TMEM132D: variants seen among roughly 807,000 people sequenced by gnomAD.
TMEM132D encodes the protein mature OL transmembrane protein.
TMEM132D carries 21 observed loss-of-function variants against 62.3 expected under a neutral mutation model. That is an observed-to-expected ratio of 0.34 (90% CI 0.24 to 0.49). The LOEUF is 0.49. TMEM132D is among the 20% of genes least tolerant of loss of function. TMEM132D has a pLI of 0.99. For synonymous variants in TMEM132D, 621 were observed against 575.6 expected, an observed-to-expected ratio of 1.08 and a Z score of -1.13; for missense variants, 1,346 against 1,402.8, an observed-to-expected ratio of 0.96 and a Z score of 0.65.
At chr12:129,385,700 ACTTTAT>A (rs1593359754) in intron 3 of TMEM132D, among the ~76,000 whole-genome samples, 3 of 152,340 alleles carry the variant, frequency 2.0e-5, no homozygotes, top group Admixed American at 1.3e-4. Context: ...ATGTCTCTCC[ACTTTAT>A]CTTTAGGTTT....
intron 3 of TMEM132D, among the ~76,000 whole-genome samples, chr12:129,339,381 G>T (rs923179702): frequency 7.4e-4 from 10 of 13,556 alleles, no homozygotes; most frequent in Non-Finnish European, 1.4e-3. Flanking sequence ...ACTGCCAAAA[G>T]AAAGAACCCC....
chr12:129,092,548 T>C (rs938629121), intron 5 of TMEM132D, among the ~76,000 whole-genome samples: 3 of 152,024 alleles, frequency 2.0e-5, no homozygotes, highest in African/African-American at 7.2e-5. Flanking sequence ...ACAAAAAAAT[T>C]AGCCAGGCTT....
At chr12:129,430,315 G>A (rs60557312) in intron 3 of TMEM132D, among the ~76,000 whole-genome samples, 4,426 of 152,072 alleles carry the variant, frequency 0.029, 225 homozygotes, top group African/African-American at 0.1. Flanking sequence ...GTTTTGATTT[G>A]CATTTCTCTG....
intron 5 of TMEM132D, among the ~76,000 whole-genome samples, chr12:129,117,242 ACTGATAGCTGGTTG>A (rs1481630687): frequency 1.3e-5 from 2 of 151,672 alleles, no homozygotes; most frequent in African/African-American, 4.8e-5. Flanking sequence ...GAAACATTAA[ACTGATAGCTGGTTG>A]CTAGGGGTTC....
At chr12:129,725,211 C>T (rs1015420163) in intron 1 of TMEM132D, among the ~76,000 whole-genome samples, 4 of 152,136 alleles carry the variant, frequency 2.6e-5, no homozygotes, top group African/African-American at 9.7e-5. Context: ...GCACAAGTAT[C>T]GTTTAATAAG....
At chr12:129,123,236 T>A (rs536548505) in intron 5 of TMEM132D, among the ~76,000 whole-genome samples, 27 of 152,342 alleles carry the variant, frequency 1.8e-4, no homozygotes, top group Non-Finnish European at 3.5e-4. Flanking sequence ...CATAGGTGGT[T>A]CAAGCTGTTA....
At chr12:129,892,442 T>C (rs2137394951) in intron 1 of TMEM132D, among the ~76,000 whole-genome samples, 1 of 152,328 alleles carries the variant, frequency 6.6e-6, no homozygotes, top group East Asian at 1.9e-4. Flanking sequence ...CCTAGCTTTC[T>C]ACTTTTCTGG....
chr12:129,259,112 A>C (rs948977641), intron 4 of TMEM132D, among the ~76,000 whole-genome samples: 2 of 152,180 alleles, frequency 1.3e-5, no homozygotes, highest in African/African-American at 4.8e-5. Context: ...ATCACCTTTC[A>C]GCCGCCCTCA....
At chr12:129,613,097 A>G (rs1156648672) in intron 2 of TMEM132D, among the ~76,000 whole-genome samples, 1 of 151,982 alleles carries the variant, frequency 6.6e-6, no homozygotes, top group Non-Finnish European at 1.5e-5. Context: ...CTGATATTAA[A>G]CCTTTTTTCC....
intron 4 of TMEM132D, among the ~76,000 whole-genome samples, chr12:129,244,400 A>AC (rs1566009857): frequency 2.9e-5 from 4 of 136,290 alleles, no homozygotes; most frequent in African/African-American, 1.1e-4. Context: ...AAAAAAAAAA[A>AC]AAAAAAAAAC....
chr12:129,339,460 G>T (rs941565973), intron 3 of TMEM132D, among the ~76,000 whole-genome samples: 3 of 152,122 alleles, frequency 2.0e-5, no homozygotes, highest in African/African-American at 7.2e-5. Flanking sequence ...ACGACAGCTG[G>T]TTTTTGAATC....
chr12:129,793,142 A>G (rs1366313856), intron 1 of TMEM132D, among the ~76,000 whole-genome samples: 1 of 151,590 alleles, frequency 6.6e-6, no homozygotes, highest in Non-Finnish European at 1.5e-5. Flanking sequence ...TCAAACTCCA[A>G]GGCTAAAGTG....
intron 2 of TMEM132D, among the ~76,000 whole-genome samples, chr12:129,539,704 G>A (rs1425542006): frequency 4.6e-5 from 7 of 151,816 alleles, no homozygotes; most frequent in Admixed American, 6.6e-5. Flanking sequence ...GAGCTACCAC[G>A]CCCAGCCTGG....
At chr12:129,683,578 T>C (rs1593118810) in intron 2 of TMEM132D, among the ~76,000 whole-genome samples, 1 of 152,296 alleles carries the variant, frequency 6.6e-6, no homozygotes, top group South Asian at 2.1e-4. Context: ...TGAGGGGATA[T>C]GAAGACATTC....
chr12:129,766,683 T>C (rs1343325131), intron 1 of TMEM132D, among the ~76,000 whole-genome samples: 2 of 152,098 alleles, frequency 1.3e-5, no homozygotes, highest in African/African-American at 4.8e-5. Flanking sequence ...TGTATAAATA[T>C]ACTGAGTAAC....
At chr12:129,895,650 T>A (rs1194151803) in intron 1 of TMEM132D, among the ~76,000 whole-genome samples, 1 of 152,180 alleles carries the variant, frequency 6.6e-6, no homozygotes, top group East Asian at 1.9e-4. Flanking sequence ...TTCTGCTTCA[T>A]CTCCAGGCTA....
At chr12:129,401,759 T>A (rs56309148) in intron 3 of TMEM132D, among the ~76,000 whole-genome samples, 3 of 152,040 alleles carry the variant, frequency 2.0e-5, no homozygotes, top group South Asian at 2.1e-4. Flanking sequence ...GCCCTCTCGC[T>A]CCAGTCTGTG....
intron 1 of TMEM132D, among the ~76,000 whole-genome samples, chr12:129,869,867 C>T (rs926256964): frequency 3.9e-5 from 6 of 152,190 alleles, no homozygotes; most frequent in Non-Finnish European, 8.8e-5. Context: ...TCTAGAGCCA[C>T]ATCCACTTGT....
chr12:129,226,468 T>C (rs934252046), intron 4 of TMEM132D, among the ~76,000 whole-genome samples: 10 of 152,224 alleles, frequency 6.6e-5, no homozygotes, highest in Admixed American at 5.2e-4. Context: ...GCACCAGACC[T>C]TGGCCCAGAC....
Sources: gnomAD v4.1 joint callset for allele counts (sites outside exome capture counted in the v4.1 genomes callset) on GRCh38, gnomAD v4.1.1 for gene constraint, MANE v1.5 for transcripts, NCBI Gene and HGNC (gene_info 2026-07-23, HGNC 2026-07-21) for gene names.